Variants in FAM135A observed in about 807,000 individuals in gnomAD.
FAM135A encodes the protein protein FAM135A.
Under a neutral mutation model 146.8 loss-of-function variants are expected in FAM135A, and 79 were observed. That is an observed-to-expected ratio of 0.54 (90% CI 0.45 to 0.65). The LOEUF (loss-of-function observed/expected upper bound fraction) is 0.65, where lower values mean the gene tolerates loss of function less well. Ranked by LOEUF, FAM135A falls within the 30% of genes least tolerant of loss-of-function variation. The probability of loss-of-function intolerance (pLI) is 0.00; values close to 1 mark genes in which losing one functional copy is unlikely to be tolerated. For synonymous variants in FAM135A, 562 were observed against 603.6 expected, an observed-to-expected ratio of 0.93 and a Z score of 1.01; for missense variants, 1,623 against 1,758.2, an observed-to-expected ratio of 0.92 and a Z score of 1.38.
chr6:70,506,416 A>G (rs1054528303), intron 12 of FAM135A, among the ~76,000 whole-genome samples: 1 of 152,144 alleles, frequency 6.6e-6, no homozygotes, highest in African/African-American at 2.4e-5. Context: ...GGAGCCACAC[A>G]TCTTTGTCTA....
intron 7 of FAM135A, among the ~76,000 whole-genome samples, chr6:70,476,346 C>T (rs1026354011): frequency 5.3e-5 from 8 of 152,168 alleles, no homozygotes; most frequent in African/African-American, 1.7e-4. Flanking sequence ...GTAGTTTTAG[C>T]AATAATTCTC....
chr6:70,429,359 A>G (rs562500548), intron 4 of FAM135A, among the ~76,000 whole-genome samples: 2 of 152,114 alleles, frequency 1.3e-5, no homozygotes, highest in South Asian at 4.2e-4. Context: ...CTAAAAATAC[A>G]AAAATTAGCC....
chr6:70,426,057 T>C (rs1188992456), intron 2 of FAM135A, among the ~76,000 whole-genome samples: 2 of 150,710 alleles, frequency 1.3e-5, no homozygotes, highest in East Asian at 2.0e-4. Context: ...GAGCCGAGAT[T>C]GCGCCACTGC....
At chr6:70,468,532 A>T (rs1210014562) in intron 5 of FAM135A, among the ~76,000 whole-genome samples, 1 of 152,216 alleles carries the variant, frequency 6.6e-6, no homozygotes, top group Non-Finnish European at 1.5e-5. Context: ...AACTAACATG[A>T]ACAGGAAGCT....
intron 5 of FAM135A, among the ~76,000 whole-genome samples, chr6:70,453,151 A>G (rs1040646781): frequency 5.3e-5 from 8 of 152,294 alleles, no homozygotes; most frequent in Admixed American, 2.0e-4. Context: ...TCCCAATGCA[A>G]TATATGCTGT....
At chr6:70,548,030 C>G (rs1404067239) in intron 20 of FAM135A, among the ~76,000 whole-genome samples, 1 of 152,114 alleles carries the variant, frequency 6.6e-6, no homozygotes, top group African/African-American at 2.4e-5. Flanking sequence ...AAAGATAAAC[C>G]TAGAATATTA....
chr6:70,452,926 G>A, intron 5 of FAM135A, among the ~76,000 whole-genome samples: 1 of 152,100 alleles, frequency 6.6e-6, no homozygotes, highest in East Asian at 1.9e-4. Context: ...AAGTTTTATG[G>A]TATGCATTTT....
chr6:70,461,417 TG>T (rs1389074589), intron 5 of FAM135A, among the ~76,000 whole-genome samples: 2 of 152,192 alleles, frequency 1.3e-5, no homozygotes, highest in Non-Finnish European at 2.9e-5. Flanking sequence ...TAAGGAATAA[TG>T]GAAAACAGTC....
Position 70,525,078 on chromosome 6 carries a change from A to T in FAM135A, c.1994A>T (p.Asp665Val). 1 of 1,578,440 alleles carries T rather than the reference A, an allele frequency of 6.3e-7. No homozygotes were observed. Among genetic ancestry groups the T allele is most frequent in the Non-Finnish European group, 8.6e-7 (1 of 1,167,762 alleles). ...ATTGAAATAAAGCCCAGTAATAAAG[A>T]TCCTTTCAGTGGAGAGAATATAACT... ...RTIEIKPSNK[D>V]PFSGENITVK... The change falls in exon 15 of 22, where the codon GAT becomes GTT. Residue 665 changes from aspartate (D) to valine (V), a missense_variant. Transcript: ENST00000418814.
chr6:70,458,908 T>C (rs1181524250), intron 5 of FAM135A, among the ~76,000 whole-genome samples: 1 of 152,198 alleles, frequency 6.6e-6, no homozygotes, highest in Non-Finnish European at 1.5e-5. Flanking sequence ...TACTAACGAG[T>C]TCTTACAGTG....
At chr6:70,542,018 A>G (rs1582860616) in intron 20 of FAM135A, among the ~76,000 whole-genome samples, 1 of 152,258 alleles carries the variant, frequency 6.6e-6, no homozygotes, top group South Asian at 2.1e-4. Flanking sequence ...CAAACTGGTT[A>G]CCCTGCCACA....
chr6:70,437,480 A>G (rs571651977), intron 4 of FAM135A, among the ~76,000 whole-genome samples: 14 of 152,104 alleles, frequency 9.2e-5, no homozygotes, highest in Non-Finnish European at 1.8e-4. Context: ...ACAAAGAAAT[A>G]AGAGTTTGGT....
In FAM135A at chr6:70,560,034, A is replaced by G. The variant is rs1801651169; in HGVS notation, c.*113A>G. ...TTCTAAGAAATATTTATACCTTTTT[A>G]TATGGAAGATAATTTATATCATCCA... On this transcript the variant is annotated 3_prime_UTR_variant, in exon 22 of 22. Coordinates refer to ENST00000418814, the MANE Select transcript of FAM135A (RefSeq NM_001162529.3). The G allele has an allele frequency of 1.2e-6, 1 of 804,836 alleles. No homozygotes were observed. The highest frequency in any genetic ancestry group is 2.8e-5 in the East Asian group (1 of 36,032). The allele number at this position is 804,836 out of a possible 1,614,324, so 49.9% of individuals were successfully genotyped here. A position where few individuals can be genotyped will look rare whatever the true frequency, so the allele number is the denominator to read the frequency against.
chr6:70,500,814 G>C (rs999631191), intron 11 of FAM135A, among the ~76,000 whole-genome samples: 5 of 152,334 alleles, frequency 3.3e-5, no homozygotes, highest in Admixed American at 3.3e-4. Context: ...AGTGGAGGCT[G>C]CACAACAGCA....
chr6:70,469,102 A>C (rs994465511), intron 5 of FAM135A, among the ~76,000 whole-genome samples: 3 of 152,098 alleles, frequency 2.0e-5, no homozygotes, highest in Non-Finnish European at 4.4e-5. Flanking sequence ...AATGTATTCT[A>C]TCATTTACTT....
rs377650710 is a variant in FAM135A, at chr6:70,477,355, T to C, written c.542+23T>C. On this transcript the variant is annotated intron_variant, in intron 8 of 21. Coordinates refer to ENST00000418814, the MANE Select transcript of FAM135A (RefSeq NM_001162529.3). The stretch of plus-strand genomic sequence containing the variant: ...AAGGTAAATTTGACTAATATTTTTG[T>C]ATTAAGCCATTCTTACACTGCAATA... 14 of 1,609,126 alleles carry C rather than the reference T, an allele frequency of 8.7e-6. No homozygotes were observed. In the African/African-American group the frequency reaches 1.6e-4, roughly 18 times the overall value.
At chr6:70,432,514 T>C (rs966640409) in intron 4 of FAM135A, among the ~76,000 whole-genome samples, 62 of 151,586 alleles carry the variant, frequency 4.1e-4, no homozygotes, top group African/African-American at 1.5e-3. Flanking sequence ...ACCATTCTTA[T>C]AATGAACTTA....
At chr6:70,489,772 T>C (rs927845270) in intron 10 of FAM135A, among the ~76,000 whole-genome samples, 15 of 152,278 alleles carry the variant, frequency 9.9e-5, no homozygotes, top group Admixed American at 9.2e-4. Flanking sequence ...CACACGTTGC[T>C]TGTCTCGTTA....
intron 10 of FAM135A, among the ~76,000 whole-genome samples, chr6:70,490,509 G>T (rs1343847007): frequency 6.6e-6 from 1 of 151,880 alleles, no homozygotes; most frequent in Non-Finnish European, 1.5e-5. Flanking sequence ...ATATTTTATA[G>T]AAAAATAAAT....
Sources: allele counts gnomAD v4.1 joint callset (sites outside exome capture counted in the v4.1 genomes callset), GRCh38; gene constraint gnomAD v4.1.1; transcripts MANE v1.5; gene names NCBI Gene and HGNC (gene_info 2026-07-23, HGNC 2026-07-21).